XIRP2: variants seen among roughly 807,000 people sequenced by gnomAD.
The protein encoded by XIRP2 is xin actin-binding repeat-containing protein 2.
Under a neutral mutation model 277.0 loss-of-function variants are expected in XIRP2, and 236 were observed. The ratio of observed to expected loss-of-function variants is 0.85; its 90% CI spans 0.77 to 0.95. The LOEUF is 0.95. Ranked by LOEUF, XIRP2 falls within the 40% of genes least tolerant of loss-of-function variation. The pLI is 0.00. For synonymous variants in XIRP2, 1,490 were observed against 1,416.5 expected, an observed-to-expected ratio of 1.05 and a Z score of -1.17; for missense variants, 4,640 against 4,157.5, an observed-to-expected ratio of 1.12 and a Z score of -3.19.
intron 2 of XIRP2, among the ~76,000 whole-genome samples, chr2:167,091,939 C>T (rs980738492): frequency 3.9e-5 from 6 of 152,224 alleles, no homozygotes; most frequent in African/African-American, 1.4e-4. Context: ...GATATTGTGA[C>T]TTTTGATGAT....
intron 3 of XIRP2, among the ~76,000 whole-genome samples, chr2:167,196,740 C>G (rs996044498): frequency 2.6e-5 from 4 of 152,002 alleles, no homozygotes; most frequent in African/African-American, 9.7e-5. Context: ...TCCTGAAAAC[C>G]TACTGAGGTC....
At chr2:167,054,318 G>T (rs990738704) in intron 2 of XIRP2, among the ~76,000 whole-genome samples, 3 of 152,274 alleles carry the variant, frequency 2.0e-5, no homozygotes, top group South Asian at 4.1e-4. Flanking sequence ...AAGCATCTTT[G>T]CTGAACACTT....
rs1242554774 is a variant in XIRP2 at position 167,252,171 on chromosome 2, C to G, written c.10555+224C>G. Among the ~76,000 whole-genome samples, 4 of 152,024 alleles carry G rather than the reference C, an allele frequency of 2.6e-5. No homozygotes were observed. The South Asian group carries it at 6.2e-4, about 24-fold the overall frequency. On this transcript the variant is annotated intron_variant, in intron 9 of 10. Transcript: ENST00000409195. ...ATTTACTTGCACTGTGTGAGAATAACAAATACTATTATACAGATTACTGGG... is the reference window on the plus strand; with the variant it reads ...ATTTACTTGCACTGTGTGAGAATAAGAAATACTATTATACAGATTACTGGG...
intron 2 of XIRP2, among the ~76,000 whole-genome samples, chr2:167,105,637 G>A (rs1450346753): frequency 6.6e-6 from 1 of 151,796 alleles, no homozygotes; most frequent in Non-Finnish European, 1.5e-5. Context: ...ACAGGTTCTT[G>A]TATGAATATG....
chr2:167,020,917 ATTG>A (rs1687964633), intron 2 of XIRP2, among the ~76,000 whole-genome samples: 1 of 151,968 alleles, frequency 6.6e-6, no homozygotes, highest in Non-Finnish European at 1.5e-5. Context: ...TAATTTATTA[ATTG>A]TTAATTGAAA....
At chr2:167,125,551 G>A (rs950204605) in intron 2 of XIRP2, among the ~76,000 whole-genome samples, 1 of 152,142 alleles carries the variant, frequency 6.6e-6, no homozygotes, top group African/African-American at 2.4e-5. Context: ...TACCTCATTA[G>A]TATTGTTAAA....
At chr2:167,182,524 CGTA>C (rs1559010806) in intron 3 of XIRP2, among the ~76,000 whole-genome samples, 1 of 152,116 alleles carries the variant, frequency 6.6e-6, no homozygotes, top group African/African-American at 2.4e-5. Context: ...TATCACCCAA[CGTA>C]GTGCTTGTAT....
intron 2 of XIRP2, among the ~76,000 whole-genome samples, chr2:167,031,235 A>T (rs1346783804): frequency 6.6e-6 from 1 of 152,082 alleles, no homozygotes; most frequent in African/African-American, 2.4e-5. Context: ...TTCTGTCATT[A>T]TGATGCTAGC....
chr2:167,245,650 A>T lies in XIRP2; in HGVS notation c.4258A>T (p.Thr1420Ser), dbSNP rs1162252831. Residue 1420 changes from threonine to serine, a missense_variant, in exon 9 of 11, where the codon ACA becomes TCA. Coordinates refer to ENST00000409195, the MANE Select transcript of XIRP2 (RefSeq NM_152381.6). ...IDHIQGGNVK[T>S]SRQFFESENF... ...CCATATACAAGGTGGCAATGTAAAGACAAGTAGACAATTCTTTGAGTCTGA... is the reference window on the plus strand; with the variant it reads ...CCATATACAAGGTGGCAATGTAAAGTCAAGTAGACAATTCTTTGAGTCTGA... 1 of 1,613,638 alleles carries T rather than the reference A, an allele frequency of 6.2e-7. No homozygotes were observed. Among genetic ancestry groups the T allele is most frequent in the Non-Finnish European group, 8.5e-7 (1 of 1,179,712 alleles).
chr2:166,910,526 A>G (rs1177214028), intron 2 of XIRP2, among the ~76,000 whole-genome samples: 1 of 151,324 alleles, frequency 6.6e-6, no homozygotes, highest in Non-Finnish European at 1.5e-5. Flanking sequence ...AGTCTTGCTG[A>G]TGGTCTATCA....
At chr2:167,116,123 G>A (rs544526582) in intron 2 of XIRP2, among the ~76,000 whole-genome samples, 33 of 152,212 alleles carry the variant, frequency 2.2e-4, no homozygotes, top group African/African-American at 7.7e-4. Context: ...TCTTGGGTGA[G>A]ATGTTCTGTA....
chr2:166,949,699 A>G lies in XIRP2; in HGVS notation c.408+45809A>G, dbSNP rs554173243. On this transcript the variant is annotated intron_variant, in intron 2 of 10. Coordinates refer to ENST00000409195, the MANE Select transcript of XIRP2 (RefSeq NM_152381.6). The stretch of plus-strand genomic sequence containing the variant: ...CAACTGTGATTAATTTAATATTACT[A>G]CAAATTGGATGAGCATATTCATGAT... Among the ~76,000 whole-genome samples the G allele has an allele frequency of 5.9e-5, 9 of 152,204 alleles. 1 individual carries two copies. The East Asian group carries it at 1.7e-3, about 30-fold the overall frequency.
At chr2:167,110,454 G>T (rs1289719796) in intron 2 of XIRP2, among the ~76,000 whole-genome samples, 1 of 152,082 alleles carries the variant, frequency 6.6e-6, no homozygotes, top group Non-Finnish European at 1.5e-5. Context: ...GTTTTTGTCA[G>T]CTTTGTCAAA....
intron 3 of XIRP2, among the ~76,000 whole-genome samples, chr2:167,194,387 T>C (rs1177316751): frequency 6.6e-6 from 1 of 152,164 alleles, no homozygotes; most frequent in African/African-American, 2.4e-5. Flanking sequence ...GGCCCATCTT[T>C]ACATTTTGAT....
chr2:167,018,901 T>A (rs373271930), intron 2 of XIRP2, among the ~76,000 whole-genome samples: 4 of 152,140 alleles, frequency 2.6e-5, no homozygotes, highest in African/African-American at 9.6e-5. Context: ...GTACAAAAAA[T>A]GTCTGTTTCC....
intron 2 of XIRP2, among the ~76,000 whole-genome samples, chr2:167,114,443 CT>C (rs1045807924): frequency 1.3e-5 from 2 of 151,674 alleles, no homozygotes; most frequent in African/African-American, 2.4e-5. Flanking sequence ...TTATGCAATT[CT>C]TTTTTTTATT....
chr2:167,077,833 G>T (rs572386020), intron 2 of XIRP2, among the ~76,000 whole-genome samples: 12 of 152,280 alleles, frequency 7.9e-5, no homozygotes, highest in African/African-American at 2.6e-4. Context: ...ACCAGTTTTA[G>T]GGTTTTATAG....
chr2:167,074,005 A>G (rs1166829136), intron 2 of XIRP2, among the ~76,000 whole-genome samples: 1 of 152,174 alleles, frequency 6.6e-6, no homozygotes, highest in Non-Finnish European at 1.5e-5. Flanking sequence ...TCTCAGGAAT[A>G]TTTCTTTGAT....
intron 1 of XIRP2, among the ~76,000 whole-genome samples, chr2:166,894,397 A>G (rs1684187052): frequency 6.6e-6 from 1 of 152,124 alleles, no homozygotes; most frequent in Non-Finnish European, 1.5e-5. Context: ...TGTATTTACT[A>G]AATCTTGGCA....
Sources: gnomAD v4.1 joint callset for allele counts (sites outside exome capture counted in the v4.1 genomes callset) on GRCh38, gnomAD v4.1.1 for gene constraint, MANE v1.5 for transcripts, NCBI Gene and HGNC (gene_info 2026-07-23, HGNC 2026-07-21) for gene names.